Variants in OPCML observed in about 807,000 individuals in gnomAD.
The protein encoded by OPCML is opioid-binding protein/cell adhesion molecule.
Under a neutral mutation model 37.8 loss-of-function variants are expected in OPCML, and 13 were observed. The observed-to-expected ratio is 0.34, with a 90% CI of 0.22 to 0.55. OPCML has a LOEUF of 0.55. Ranked by LOEUF, OPCML falls within the 20% of genes least tolerant of loss-of-function variation. OPCML has a pLI of 0.91. For synonymous variants in OPCML, 176 were observed against 168.8 expected, an observed-to-expected ratio of 1.04 and a Z score of -0.33; for missense variants, 341 against 435.6, an observed-to-expected ratio of 0.78 and a Z score of 1.93.
chr11:133,323,691 G>A (rs973077281), intron 1 of OPCML, among the ~76,000 whole-genome samples: 6 of 152,174 alleles, frequency 3.9e-5, no homozygotes, highest in African/African-American at 1.4e-4. Context: ...CACAGTCCAG[G>A]TATCGCAGAG....
chr11:133,213,745 T>C (rs1183399167), intron 1 of OPCML, among the ~76,000 whole-genome samples: 4 of 152,204 alleles, frequency 2.6e-5, no homozygotes, highest in African/African-American at 4.8e-5. Flanking sequence ...TCTGGTATAC[T>C]CTTCAGGGGG....
chr11:132,709,612 C>T (rs540015554), intron 2 of OPCML, among the ~76,000 whole-genome samples: 4 of 152,128 alleles, frequency 2.6e-5, no homozygotes, highest in Non-Finnish European at 5.9e-5. Flanking sequence ...AGCATGCCCC[C>T]CTGGTTTCGG....
At chr11:133,478,470 T>TG (rs1947293149) in intron 1 of OPCML, among the ~76,000 whole-genome samples, 1 of 148,030 alleles carries the variant, frequency 6.8e-6, no homozygotes, top group South Asian at 2.2e-4. Context: ...TCATAGTTTG[T>TG]GGGGTCATGG....
intron 1 of OPCML, among the ~76,000 whole-genome samples, chr11:132,989,705 TAAA>T (rs1946741447): frequency 6.6e-6 from 1 of 151,106 alleles, no homozygotes; most frequent in Non-Finnish European, 1.5e-5. Context: ...TAAATAAAAA[TAAA>T]AAGGGGCTCA....
At chr11:132,959,967 A>G (rs1567127) in intron 1 of OPCML, among the ~76,000 whole-genome samples, 44,363 of 152,074 alleles carry the variant, frequency 0.29, 8,629 homozygotes, top group African/African-American at 0.56. Flanking sequence ...CCAACCTTCC[A>G]TTAAGAAACG....
chr11:132,642,832 C>T lies in OPCML; in HGVS notation c.379+14255G>A, dbSNP rs139313683. ...TGGTCAAACCAGGAGTGAAATTTTA[C>T]ATACCTTCCTCCTAGAAGCAGCTCA... is the stretch of plus-strand genomic sequence containing the variant. On this transcript the variant is annotated intron_variant, in intron 3 of 7. Transcript: ENST00000524381. Among the ~76,000 whole-genome samples, 311 of 152,334 alleles carry T rather than the reference C, an allele frequency of 2.0e-3. 3 individuals carry two copies. Among genetic ancestry groups the T allele is most frequent in the African/African-American group, 7.0e-3 (290 of 41,578 alleles).
intron 2 of OPCML, among the ~76,000 whole-genome samples, chr11:132,804,388 A>G (rs1350439918): frequency 6.6e-6 from 1 of 152,168 alleles, no homozygotes; most frequent in Admixed American, 6.5e-5. Flanking sequence ...CAACTGTGAA[A>G]AGGAAGCCTC....
intron 1 of OPCML, among the ~76,000 whole-genome samples, chr11:133,178,300 G>A (rs1043290554): frequency 7.9e-5 from 12 of 152,120 alleles, no homozygotes; most frequent in Non-Finnish European, 1.3e-4. Context: ...CTGTGTGTGC[G>A]TTCCTCAGAT....
At chr11:132,885,995 A>C (rs1381753942) in intron 2 of OPCML, among the ~76,000 whole-genome samples, 1 of 152,098 alleles carries the variant, frequency 6.6e-6, no homozygotes, top group Non-Finnish European at 1.5e-5. Context: ...AAACACCATT[A>C]TAATATACAT....
intron 1 of OPCML, among the ~76,000 whole-genome samples, chr11:133,490,582 TC>T (rs1329304222): frequency 6.6e-6 from 1 of 152,152 alleles, no homozygotes; most frequent in Non-Finnish European, 1.5e-5. Context: ...CCACCTCCTC[TC>T]AACATGGAAG....
chr11:133,423,976 C>T (rs1186438748), intron 1 of OPCML, among the ~76,000 whole-genome samples: 1 of 152,192 alleles, frequency 6.6e-6, no homozygotes, highest in Non-Finnish European at 1.5e-5. Flanking sequence ...GATGCCAACA[C>T]CATGCTTCTC....
At chr11:132,988,532 T>C (rs530520685) in intron 1 of OPCML, among the ~76,000 whole-genome samples, 1 of 152,324 alleles carries the variant, frequency 6.6e-6, no homozygotes, top group East Asian at 1.9e-4. Flanking sequence ...TAGACAGAAA[T>C]GGGGAGGGCT....
intron 1 of OPCML, among the ~76,000 whole-genome samples, chr11:133,257,633 G>T (rs528768450): frequency 6.6e-6 from 1 of 152,296 alleles, no homozygotes; most frequent in South Asian, 2.1e-4. Context: ...GAACTCAGGT[G>T]TCTAATTCTC....
chr11:133,526,047 G>A (rs1345531543), intron 1 of OPCML, among the ~76,000 whole-genome samples: 1 of 152,218 alleles, frequency 6.6e-6, no homozygotes. Context: ...GTGACTGCAG[G>A]ATGGTCCCCA....
At chr11:133,238,845 C>G (rs557769996) in intron 1 of OPCML, among the ~76,000 whole-genome samples, 1 of 152,350 alleles carries the variant, frequency 6.6e-6, no homozygotes, top group East Asian at 1.9e-4. Flanking sequence ...TACATAAATG[C>G]TGATAATAGC....
intron 1 of OPCML, among the ~76,000 whole-genome samples, chr11:133,313,899 A>G (rs1943127230): frequency 6.6e-6 from 1 of 152,228 alleles, no homozygotes; most frequent in Non-Finnish European, 1.5e-5. Context: ...TGGTACAGAG[A>G]GAACTATCAG....
chr11:132,551,788 C>T (rs751555067), intron 3 of OPCML, among the ~76,000 whole-genome samples: 4 of 152,144 alleles, frequency 2.6e-5, no homozygotes, highest in Admixed American at 2.6e-4. Flanking sequence ...ACTCTGATCC[C>T]TGAATGCCTG....
intron 1 of OPCML, among the ~76,000 whole-genome samples, chr11:133,378,810 G>A (rs1944869718): frequency 6.6e-6 from 1 of 151,924 alleles, no homozygotes; most frequent in Admixed American, 6.6e-5. Context: ...AGAGGTCATT[G>A]CAGCCTTGAA....
chr11:133,434,585 A>G (rs970634258), intron 1 of OPCML, among the ~76,000 whole-genome samples: 4 of 152,044 alleles, frequency 2.6e-5, no homozygotes, highest in Non-Finnish European at 5.9e-5. Context: ...TTGTGAGAGC[A>G]GCTGGGAAGG....
Sources: allele counts gnomAD v4.1 joint callset (sites outside exome capture counted in the v4.1 genomes callset), GRCh38; gene constraint gnomAD v4.1.1; transcripts MANE v1.5; gene names NCBI Gene and HGNC (gene_info 2026-07-23, HGNC 2026-07-21).